RSPRY1: variants seen among roughly 807,000 people sequenced by gnomAD.
RSPRY1 encodes RING finger and SPRY domain-containing protein 1.
RSPRY1 carries 23 observed loss-of-function variants against 73.1 expected under a neutral mutation model. The observed-to-expected ratio is 0.31, with a 90% CI of 0.23 to 0.45. RSPRY1 has a LOEUF of 0.45. RSPRY1 is among the 20% of genes least tolerant of loss of function. The pLI is 1.00. For synonymous variants in RSPRY1, 226 were observed against 251.4 expected (o/e 0.90, Z 0.95); for missense variants, 448 against 698.7 (o/e 0.64, Z 4.05).
At chr16:57,223,793 T>A (rs1329651356) in intron 10 of RSPRY1, among the ~76,000 whole-genome samples, 1 of 152,140 alleles carries the variant, frequency 6.6e-6, no homozygotes, top group African/African-American at 2.4e-5. Context: ...AATAAATAAA[T>A]ATCTTTTGCT....
intron 1 of RSPRY1, among the ~76,000 whole-genome samples, chr16:57,203,326 T>C (rs981307893): frequency 2.6e-5 from 4 of 152,138 alleles, no homozygotes; most frequent in Admixed American, 6.6e-5. Flanking sequence ...AATAAAATAA[T>C]GGGAGTAATA....
At chr16:57,228,066 G>A (rs1169297730) in intron 11 of RSPRY1, among the ~76,000 whole-genome samples, 1 of 152,040 alleles carries the variant, frequency 6.6e-6, no homozygotes, top group African/African-American at 2.4e-5. Context: ...TTGAAGTCAG[G>A]AGTTCAAGAC....
intron 1 of RSPRY1, among the ~76,000 whole-genome samples, chr16:57,201,437 G>T (rs2074602763): frequency 6.7e-6 from 1 of 149,988 alleles, no homozygotes; most frequent in Non-Finnish European, 1.5e-5. Context: ...TCCTAGATGG[G>T]ATGGCGGCCG....
At chr16:57,223,641 G>A (rs1219648377) in intron 10 of RSPRY1, among the ~76,000 whole-genome samples, 2 of 152,008 alleles carry the variant, frequency 1.3e-5, no homozygotes, top group African/African-American at 2.4e-5. Context: ...GCGTGGTGGC[G>A]GGCGCCTGTA....
intron 1 of RSPRY1, among the ~76,000 whole-genome samples, chr16:57,200,958 G>T (rs1249826239): frequency 7.7e-6 from 1 of 129,366 alleles, no homozygotes; most frequent in Non-Finnish European, 1.7e-5. Context: ...GGGGGGGGGG[G>T]GGGCTGACCC....
intron 4 of RSPRY1, among the ~76,000 whole-genome samples, chr16:57,211,982 C>A (rs1329650829): frequency 6.6e-6 from 1 of 152,192 alleles, no homozygotes; most frequent in Non-Finnish European, 1.5e-5. Context: ...TGACCTTTGC[C>A]TAGGCTTATA....
chr16:57,239,284 C>T lies in RSPRY1; in HGVS notation c.*309C>T, dbSNP rs576855908. 5.8e-6 allele frequency: 1 copy of T among 171,534 alleles called. No individual in the cohort carries two copies. The highest frequency in any genetic ancestry group is 2.4e-5 in the African/African-American group (1 of 42,088). The allele number at this position is 171,534 out of a possible 1,614,324, so 10.6% of individuals were successfully genotyped here. ...AGTACTGAAATCACACTGGAATCCC[C>T]CTTGTTGGGTTCATTTGATTGTTTA... is the stretch of plus-strand genomic sequence containing the variant. On this transcript the variant is annotated 3_prime_UTR_variant, in exon 15 of 15. Transcript: ENST00000394420.
chr16:57,211,049 G>A (rs2074833404), intron 4 of RSPRY1, among the ~76,000 whole-genome samples: 1 of 152,190 alleles, frequency 6.6e-6, no homozygotes, highest in African/African-American at 2.4e-5. Flanking sequence ...GAAGCTAGAA[G>A]AGAATGTTGA....
At chr16:57,193,615 C>G (rs1408863554) in intron 1 of RSPRY1, among the ~76,000 whole-genome samples, 1 of 151,840 alleles carries the variant, frequency 6.6e-6, no homozygotes, top group Non-Finnish European at 1.5e-5. Flanking sequence ...ACCTCAGCCT[C>G]CCAAGTAGCT....
At chr16:57,230,869 C>A in intron 12 of RSPRY1, 56 bp downstream of exon 12, 1 of 1,005,072 alleles carries the variant, frequency 9.9e-7, no homozygotes, top group Non-Finnish European at 1.5e-6. Flanking sequence ...GCCCTTTTCT[C>A]TAGGAAAAAA....
At chr16:57,231,814 G>T (rs1166733234) in intron 13 of RSPRY1, among the ~76,000 whole-genome samples, 1 of 152,130 alleles carries the variant, frequency 6.6e-6, no homozygotes. Context: ...TCAACTGTGT[G>T]GCAAAGATGA....
intron 1 of RSPRY1, among the ~76,000 whole-genome samples, chr16:57,189,588 C>CT (rs2074316464): frequency 9.2e-6 from 1 of 108,328 alleles, no homozygotes; most frequent in African/African-American, 3.5e-5. Flanking sequence ...TTTTTCTTTT[C>CT]TTTTCTTTTT....
chr16:57,236,786 A>G (rs563101185), intron 14 of RSPRY1, among the ~76,000 whole-genome samples: 2 of 152,336 alleles, frequency 1.3e-5, no homozygotes, highest in Admixed American at 1.3e-4. Flanking sequence ...TATAAATCTA[A>G]AACTCCCAAA....
At chr16:57,217,368 C>G (rs375074697) in intron 8 of RSPRY1, among the ~76,000 whole-genome samples, 1 of 152,192 alleles carries the variant, frequency 6.6e-6, no homozygotes, top group Admixed American at 6.5e-5. Flanking sequence ...CCTGATGATT[C>G]CTACCTCTGG....
At chr16:57,216,066 A>AT in intron 6 of RSPRY1, 41 bp from the exon 7 acceptor site, 1 of 1,076,626 alleles carries the variant, frequency 9.3e-7, no homozygotes, top group South Asian at 1.4e-5. Flanking sequence ...CTGCAGGGGA[A>AT]TGATTTTTTT....
intron 1 of RSPRY1, among the ~76,000 whole-genome samples, chr16:57,195,489 G>A (rs2074424412): frequency 6.6e-6 from 1 of 152,044 alleles, no homozygotes; most frequent in African/African-American, 2.4e-5. Flanking sequence ...TCCAGTCTGG[G>A]CAATGAGAGT....
rs372893786 is a variant in RSPRY1, at chr16:57,208,095, G to A, written c.388G>A (p.Glu130Lys). 1.3e-5 allele frequency: 21 copies of A among 1,588,512 alleles called. No individual in the cohort carries two copies. The highest frequency in any genetic ancestry group is 2.2e-5 in the East Asian group (1 of 44,468). ...EPPYSMITLHEMAETDEGWLD... is the reference protein window; with the variant it reads ...EPPYSMITLHKMAETDEGWLD... ...TCCCTATTCAATGATAACATTACAC[G>A]AAATGGCAGAAACAGGTATTTTTAG... Residue 130 changes from glutamate to lysine, a missense_variant, in exon 3 of 15, where the codon GAA becomes AAA. Coordinates refer to ENST00000394420, the MANE Select transcript of RSPRY1 (RefSeq NM_133368.3).
intron 1 of RSPRY1, among the ~76,000 whole-genome samples, chr16:57,188,673 C>T (rs1243684427): frequency 2.6e-5 from 4 of 151,864 alleles, no homozygotes; most frequent in African/African-American, 7.3e-5. Flanking sequence ...TGTACCACCA[C>T]GCCCAGCTAA....
rs2075349840 is a variant in RSPRY1, at chr16:57,239,610, T to G, written c.*635T>G. On this transcript the variant is annotated 3_prime_UTR_variant, in exon 15 of 15. Transcript: ENST00000394420. ...GTTTTTTGTTTGTTTTTTTGTTTTT[T>G]GGGTTTTTTTTTTTTACTGCAGAAA... 3 of 151,360 alleles carry G rather than the reference T, an allele frequency of 2.0e-5. No homozygotes were observed. The East Asian group carries it at 5.8e-4, about 29-fold the overall frequency. The allele number at this position is 151,360 out of a possible 1,614,324, so 9.4% of individuals were successfully genotyped here. A position where few individuals can be genotyped will look rare whatever the true frequency, so the allele number is the denominator to read the frequency against.
Sources: allele counts gnomAD v4.1 joint callset (sites outside exome capture counted in the v4.1 genomes callset), GRCh38; gene constraint gnomAD v4.1.1; transcripts MANE v1.5; gene names NCBI Gene and HGNC (gene_info 2026-07-23, HGNC 2026-07-21).